RALGPS1: variants seen among roughly 807,000 people sequenced by gnomAD.
The protein encoded by RALGPS1 is Ral GEF with PH domain and SH3 binding motif 1.
In RALGPS1, 19 loss-of-function variants were observed where a neutral mutation model predicts 78.8. The observed-to-expected ratio is 0.24, with a 90% confidence interval of 0.17 to 0.35. RALGPS1 has a LOEUF of 0.35. Ranked by LOEUF, RALGPS1 falls within the 10% of genes least tolerant of loss-of-function variation. The pLI is 1.00. For synonymous variants in RALGPS1, 228 were observed against 256.3 expected, an observed-to-expected ratio of 0.89 and a Z score of 1.06; for missense variants, 454 against 688.3, an observed-to-expected ratio of 0.66 and a Z score of 3.81.
chr9:126,968,838 C>T (rs371821545), intron 3 of RALGPS1, among the ~76,000 whole-genome samples: 6 of 152,288 alleles, frequency 3.9e-5, no homozygotes, highest in East Asian at 1.9e-4. Flanking sequence ...CACCTGAGGT[C>T]GGGAGTTCGA....
chr9:127,097,281 G>A (rs2053236939), intron 8 of RALGPS1, among the ~76,000 whole-genome samples: 1 of 152,114 alleles, frequency 6.6e-6, no homozygotes, highest in African/African-American at 2.4e-5. Context: ...TTTTAAAAAA[G>A]GCAAACGGGG....
At chr9:127,154,069 C>A (rs2058580316) in intron 8 of RALGPS1, among the ~76,000 whole-genome samples, 1 of 152,248 alleles carries the variant, frequency 6.6e-6, no homozygotes, top group Non-Finnish European at 1.5e-5. Context: ...CTTCCCATCC[C>A]ACCCCACCAC....
At chr9:126,928,721 C>G (rs1157321100) in intron 1 of RALGPS1, among the ~76,000 whole-genome samples, 1 of 152,130 alleles carries the variant, frequency 6.6e-6, no homozygotes, top group African/African-American at 2.4e-5. Flanking sequence ...CCTGCCTCAG[C>G]CTTCCAAGTA....
At chr9:127,114,131 C>G (rs1043214912) in intron 8 of RALGPS1, among the ~76,000 whole-genome samples, 1 of 152,346 alleles carries the variant, frequency 6.6e-6, no homozygotes, top group South Asian at 2.1e-4. Flanking sequence ...GGAAGGCGGC[C>G]TGTTATTTGA....
At chr9:127,075,558 A>G (rs1271835304) in intron 8 of RALGPS1, among the ~76,000 whole-genome samples, 1 of 152,254 alleles carries the variant, frequency 6.6e-6, no homozygotes, top group Non-Finnish European at 1.5e-5. Context: ...GAATAGTTAT[A>G]TAATTCCTGG....
chr9:126,950,412 C>T (rs565144959), intron 1 of RALGPS1, among the ~76,000 whole-genome samples: 1 of 152,204 alleles, frequency 6.6e-6, no homozygotes, highest in East Asian at 1.9e-4. Context: ...GGCAGTATGG[C>T]CATTTTCACG....
At chr9:126,959,174 G>C (rs1437253927) in intron 1 of RALGPS1, among the ~76,000 whole-genome samples, 1 of 151,382 alleles carries the variant, frequency 6.6e-6, no homozygotes, top group Non-Finnish European at 1.5e-5. Context: ...CGATTCCCCT[G>C]CCTCAGCCTC....
In RALGPS1 at chr9:127,212,908, GC is replaced by G; in HGVS notation, c.1447-32del. ...CCTCCCTTGTGGAGTGGAGGGCTGGGCCCCGGTCTCCGGATGTGTTGTTGCT... is the reference window on the plus strand; with the variant it reads ...CCTCCCTTGTGGAGTGGAGGGCTGGGCCCGGTCTCCGGATGTGTTGTTGCT... On this transcript the variant is annotated intron_variant, in intron 16 of 18. Transcript: ENST00000259351. The surrounding 1 kb of genome is among the most constrained non-coding windows in gnomAD (Gnocchi z 6.0). The G allele has an allele frequency of 6.2e-7, 1 of 1,613,678 alleles. No homozygotes were observed. The highest frequency in any genetic ancestry group is 8.5e-7 in the Non-Finnish European group (1 of 1,179,802).
At chr9:127,060,527 TTG>T (rs1239615662) in intron 7 of RALGPS1, among the ~76,000 whole-genome samples, 3 of 152,138 alleles carry the variant, frequency 2.0e-5, no homozygotes, top group African/African-American at 7.2e-5. Context: ...GTTGTTGTTG[TTG>T]TTGTTGTTGT....
intron 4 of RALGPS1, among the ~76,000 whole-genome samples, chr9:126,980,954 T>C (rs2041194325): frequency 6.6e-6 from 1 of 152,220 alleles, no homozygotes; most frequent in Non-Finnish European, 1.5e-5. Flanking sequence ...AACTGGAGAA[T>C]TGATCCTGGC....
chr9:126,924,997 C>G lies in RALGPS1; in HGVS notation c.-66+10022C>G, dbSNP rs533974182. 1.1e-4 allele frequency among the ~76,000 whole-genome samples: 17 copies of G among 152,190 alleles called. No individual in the cohort carries two copies. The East Asian group carries it at 2.3e-3, about 21-fold the overall frequency. ...AAAAAATTAGCTGGGCATGGTGGCACATGCCTGTAATCCCAGCTACTGAGG... is the reference window on the plus strand; with the variant it reads ...AAAAAATTAGCTGGGCATGGTGGCAGATGCCTGTAATCCCAGCTACTGAGG... On this transcript the variant is annotated intron_variant, in intron 1 of 18. Coordinates refer to ENST00000259351, the MANE Select transcript of RALGPS1 (RefSeq NM_014636.3).
chr9:126,975,204 G>A (rs969375574), intron 3 of RALGPS1, among the ~76,000 whole-genome samples: 2 of 152,032 alleles, frequency 1.3e-5, no homozygotes, highest in Non-Finnish European at 2.9e-5. Flanking sequence ...TATGTATTTC[G>A]GACTAGCTAG....
chr9:127,167,164 G>A (rs1477963717), intron 9 of RALGPS1, among the ~76,000 whole-genome samples: 6 of 152,206 alleles, frequency 3.9e-5, no homozygotes, highest in Non-Finnish European at 7.3e-5. Context: ...TGCGTAGGGT[G>A]TGAGAAAATC....
intron 4 of RALGPS1, among the ~76,000 whole-genome samples, chr9:127,033,373 C>T (rs1335610457): frequency 1.3e-5 from 2 of 152,170 alleles, no homozygotes; most frequent in African/African-American, 2.4e-5. Context: ...GCCCTTCAGA[C>T]GTGACTGCTA....
intron 8 of RALGPS1, among the ~76,000 whole-genome samples, chr9:127,123,061 CCCCCTGGATGCCT>C (rs1030250138): frequency 2.0e-5 from 3 of 152,260 alleles, no homozygotes; most frequent in Non-Finnish European, 4.4e-5. Flanking sequence ...AGCGGGTCCT[CCCCCTGGATGCCT>C]CGTTGGGCAC....
intron 1 of RALGPS1, among the ~76,000 whole-genome samples, chr9:126,940,745 G>A (rs970947443): frequency 2.6e-5 from 4 of 151,244 alleles, no homozygotes; most frequent in Non-Finnish European, 4.4e-5. Context: ...TTGCTTTCTC[G>A]GCATGGTTGT....
chr9:126,940,378 G>A (rs918131128), intron 1 of RALGPS1, among the ~76,000 whole-genome samples: 2 of 151,838 alleles, frequency 1.3e-5, no homozygotes, highest in Admixed American at 6.6e-5. Context: ...ATACTGAATA[G>A]TGTTTATGTT....
chr9:126,979,864 G>C (rs2041078655), intron 4 of RALGPS1, among the ~76,000 whole-genome samples: 1 of 152,108 alleles, frequency 6.6e-6, no homozygotes, highest in South Asian at 2.1e-4. Flanking sequence ...GAAACATGAG[G>C]GTACCCAGAG....
At chr9:126,954,725 C>T (rs1472327217) in intron 1 of RALGPS1, among the ~76,000 whole-genome samples, 1 of 152,214 alleles carries the variant, frequency 6.6e-6, no homozygotes. Context: ...TTGTTTGAAC[C>T]TGGGAGGTGG....
Sources: allele counts gnomAD v4.1 joint callset (sites outside exome capture counted in the v4.1 genomes callset), GRCh38; gene constraint gnomAD v4.1.1; non-coding constraint Gnocchi (gnomAD v3.1); transcripts MANE v1.5; gene names NCBI Gene and HGNC (gene_info 2026-07-23, HGNC 2026-07-21).